ADARB2: variants seen among roughly 807,000 people sequenced by gnomAD.
ADARB2 encodes adenosine deaminase RNA specific B2 (inactive).
Under a neutral mutation model 62.2 loss-of-function variants are expected in ADARB2, and 25 were observed. The ratio of observed to expected loss-of-function variants is 0.40; its 90% confidence interval spans 0.29 to 0.56. The LOEUF (loss-of-function observed/expected upper bound fraction) is 0.56. ADARB2 is among the 20% of genes least tolerant of loss of function. The pLI, the probability that ADARB2 is intolerant of heterozygous loss-of-function variation, is 0.43. For missense variants in ADARB2, 1,071 were observed against 1,077.4 expected, an observed-to-expected ratio of 0.99 and a Z score of 0.08; for synonymous variants, 572 against 500.8, an observed-to-expected ratio of 1.14 and a Z score of -1.90.
Position 1,178,829 on chromosome 10 carries a change from G to A in ADARB2, c.*4364C>T, listed in dbSNP as rs773689934. ...ACTCTGCAGCCTCCCTGAGGGCCGC[G>A]GGAAGCCCACAGAGCCTCACCGGGT... On this transcript the variant is annotated 3_prime_UTR_variant, in exon 10 of 10. Transcript: ENST00000381312. 4 of 152,184 alleles carry A rather than the reference G, an allele frequency of 2.6e-5. No individual in the cohort carries two copies. Among genetic ancestry groups the A allele is most frequent in the African/African-American group, 4.8e-5 (2 of 41,436 alleles). The allele number at this position is 152,184 out of a possible 1,614,324, so 9.4% of individuals were successfully genotyped here.
At chr10:1,273,067 T>C (rs889935048) in intron 3 of ADARB2, among the ~76,000 whole-genome samples, 2 of 152,160 alleles carry the variant, frequency 1.3e-5, no homozygotes, top group African/African-American at 2.4e-5. Flanking sequence ...GTAGGGACAA[T>C]TGTCATTGAA....
At chr10:1,689,412 T>A (rs1261833850) in intron 1 of ADARB2, among the ~76,000 whole-genome samples, 1 of 152,222 alleles carries the variant, frequency 6.6e-6, no homozygotes, top group East Asian at 1.9e-4. Context: ...CCAACCTGAC[T>A]TGTTTTCCCT....
chr10:1,379,621 G>A (rs1269938328), intron 1 of ADARB2, among the ~76,000 whole-genome samples: 2 of 152,214 alleles, frequency 1.3e-5, no homozygotes, highest in African/African-American at 4.8e-5. Flanking sequence ...GGCTTGACAT[G>A]CATTAAAAAT....
intron 3 of ADARB2, among the ~76,000 whole-genome samples, chr10:1,332,678 A>G (rs925026730): frequency 2.0e-5 from 3 of 152,154 alleles, no homozygotes; most frequent in African/African-American, 7.2e-5. Context: ...GGAGACTTCC[A>G]ATGTCCCTCC....
chr10:1,721,089 A>G (rs1835086914), intron 1 of ADARB2, among the ~76,000 whole-genome samples: 1 of 152,236 alleles, frequency 6.6e-6, no homozygotes. Context: ...AAGGAAATGC[A>G]GGAAGAGATT....
chr10:1,593,356 C>T (rs970491330), intron 1 of ADARB2, among the ~76,000 whole-genome samples: 2 of 151,202 alleles, frequency 1.3e-5, no homozygotes, highest in Non-Finnish European at 2.9e-5. Context: ...CTGTAGGTCT[C>T]CTCTCTGGCA....
intron 1 of ADARB2, among the ~76,000 whole-genome samples, chr10:1,570,863 C>T (rs1230517702): frequency 1.3e-5 from 2 of 151,986 alleles, no homozygotes; most frequent in Non-Finnish European, 2.9e-5. Context: ...GATGGGAGCC[C>T]GCATCCTGGA....
At chr10:1,402,545 T>C (rs1182154976) in intron 1 of ADARB2, among the ~76,000 whole-genome samples, 1 of 152,092 alleles carries the variant, frequency 6.6e-6, no homozygotes, top group Non-Finnish European at 1.5e-5. Context: ...TTCTCAAATA[T>C]GTGAATCAAT....
At chr10:1,472,399 C>G (rs1201470243) in intron 1 of ADARB2, among the ~76,000 whole-genome samples, 1 of 151,386 alleles carries the variant, frequency 6.6e-6, no homozygotes, top group Non-Finnish European at 1.5e-5. Flanking sequence ...AGGGGTCAGC[C>G]AGGTGTGAGG....
intron 5 of ADARB2, among the ~76,000 whole-genome samples, chr10:1,239,917 C>CCTCCCGGTGTTCACTCCCCTCTGT (rs1830892439): frequency 4.3e-5 from 1 of 23,214 alleles, no homozygotes; most frequent in African/African-American, 3.4e-4. Context: ...CTCCCCTCTC[C>CCTCCCGGTGTTCACTCCCCTCTGT]CTCCCGGTGT....
chr10:1,307,661 CA>C (rs1831642569), intron 3 of ADARB2, among the ~76,000 whole-genome samples: 3 of 113,248 alleles, frequency 2.6e-5, no homozygotes, highest in Non-Finnish European at 5.3e-5. Context: ...TTCACAATAG[CA>C]AAGACTTGGA....
At chr10:1,523,406 C>T (rs566973965) in intron 1 of ADARB2, among the ~76,000 whole-genome samples, 18 of 152,328 alleles carry the variant, frequency 1.2e-4, no homozygotes, top group African/African-American at 3.6e-4. Context: ...GTTACATGCA[C>T]GTCACGCAGC....
At chr10:1,396,694 G>A (rs1299381523) in intron 1 of ADARB2, among the ~76,000 whole-genome samples, 1 of 133,122 alleles carries the variant, frequency 7.5e-6, no homozygotes, top group Non-Finnish European at 1.6e-5. Flanking sequence ...GTCACCGTCC[G>A]TCTCTCCCCT....
intron 1 of ADARB2, among the ~76,000 whole-genome samples, chr10:1,653,918 C>A (rs1438949353): frequency 3.9e-5 from 6 of 152,056 alleles, no homozygotes; most frequent in Admixed American, 3.9e-4. Flanking sequence ...AAGTCAGGAC[C>A]CCCAGGAGGG....
At position 1,200,117 on chromosome 10, in the gene ADARB2, G is replaced by C. The variant is rs1301986559; in HGVS notation, c.1713C>G (p.Leu571=). The stretch of plus-strand genomic sequence containing the variant: ...ACACGGGCTCCACGAAGTGGGACAG[G>C]AGCGCGCCCTGCAGCCCCAGGACGT... The part of the protein sequence containing the change: ...RWNVLGLQGA[L]LSHFVEPVYL... Residue 571 remains leucine (L), a synonymous_variant, in exon 8 of 10, where the codon CTC becomes CTG. Coordinates refer to ENST00000381312, the MANE Select transcript of ADARB2 (RefSeq NM_018702.4). The C allele has an allele frequency of 2.6e-6, 4 of 1,553,824 alleles. No individual in the cohort carries two copies. The highest frequency in any genetic ancestry group is 1.7e-4 in the Middle Eastern group (1 of 5,972).
intron 3 of ADARB2, among the ~76,000 whole-genome samples, chr10:1,323,361 A>G (rs1831812946): frequency 6.6e-6 from 1 of 152,200 alleles, no homozygotes; most frequent in African/African-American, 2.4e-5. Context: ...GTATTCACAG[A>G]TTGGAAGACT....
At chr10:1,190,539 G>A (rs529038705) in intron 8 of ADARB2, among the ~76,000 whole-genome samples, 1 of 152,174 alleles carries the variant, frequency 6.6e-6, no homozygotes, top group South Asian at 2.1e-4. Flanking sequence ...CTGTCCTGTC[G>A]TAGCTCTGGA....
chr10:1,522,004 T>C (rs1358855278), intron 1 of ADARB2, among the ~76,000 whole-genome samples: 1 of 152,168 alleles, frequency 6.6e-6, no homozygotes, highest in African/African-American at 2.4e-5. Flanking sequence ...CTTCAAATAT[T>C]TTACAGAGTT....
rs117094951 is a variant in ADARB2, at chr10:1,649,049, A to C, written c.100+88002T>G. Among the ~76,000 whole-genome samples the C allele has an allele frequency of 5.1e-4, 78 of 152,302 alleles. No homozygotes were observed. The East Asian group carries it at 0.013, about 26-fold the overall frequency. ...CATACTTGGTATAGAAATCTTGAAA[A>C]AGTGGATGCTCCGGTGAAGCTCAGA... is the stretch of plus-strand genomic sequence containing the variant. On this transcript the variant is annotated intron_variant, in intron 1 of 9. Coordinates refer to ENST00000381312, the MANE Select transcript of ADARB2 (RefSeq NM_018702.4).
Sources: gnomAD v4.1 joint callset for allele counts (sites outside exome capture counted in the v4.1 genomes callset) on GRCh38, gnomAD v4.1.1 for gene constraint, MANE v1.5 for transcripts, NCBI Gene and HGNC (gene_info 2026-07-23, HGNC 2026-07-21) for gene names.